The following CDK14 variants were observed in gnomAD, a reference collection of about 807,000 sequenced individuals.
CDK14 encodes the protein cyclin dependent kinase 14.
CDK14 carries 34 observed loss-of-function variants against 60.7 expected under a neutral mutation model. The observed-to-expected ratio is 0.56, with a 90% CI of 0.43 to 0.75. The LOEUF is 0.75. Ranked by LOEUF, CDK14 falls within the 30% of genes least tolerant of loss-of-function variation. The pLI is 0.00. For synonymous variants in CDK14, 197 were observed against 203.7 expected, an observed-to-expected ratio of 0.97 and a Z score of 0.28; for missense variants, 482 against 564.1, an observed-to-expected ratio of 0.85 and a Z score of 1.47.
intron 4 of CDK14, among the ~76,000 whole-genome samples, chr7:90,785,141 G>T (rs1224596484): frequency 1.4e-5 from 2 of 138,216 alleles, no homozygotes; most frequent in East Asian, 4.1e-4. Context: ...CATAATGGAA[G>T]AGAGAAGCAG....
At chr7:91,013,656 G>GTTTTTTTTTTT (rs56934476) in intron 10 of CDK14, among the ~76,000 whole-genome samples, 152 of 123,354 alleles carry the variant, frequency 1.2e-3, no homozygotes, top group African/African-American at 2.0e-3. Flanking sequence ...CATTGCCTCT[G>GTTTTTTTTTTT]TTTTTTTTTT....
intron 8 of CDK14, among the ~76,000 whole-genome samples, chr7:90,927,173 T>C (rs903189109): frequency 5.3e-5 from 8 of 152,286 alleles, no homozygotes; most frequent in Middle Eastern, 6.8e-3. Flanking sequence ...AACTCATCTT[T>C]AGCCCCTTGC....
At position 91,008,134 on chromosome 7, in the gene CDK14, A is replaced by AAAC. The variant is rs1172192008; in HGVS notation, c.1041+23895_1041+23896insCAA. Among the ~76,000 whole-genome samples the AAAC allele has an allele frequency of 9.0e-5, 13 of 143,676 alleles. 1 individual carries two copies. Among genetic ancestry groups the AAAC allele is most frequent in the Non-Finnish European group, 1.5e-4 (10 of 65,930 alleles). 94.3% of individuals were successfully genotyped at this position (143,676 alleles called of 152,430 possible). ...CCAGTGCCGGGAGAAGGCCAAAAAA[A>AAAC]AAAAAAAAAAACAAACAAAAAAAAA... is the stretch of plus-strand genomic sequence containing the variant. On this transcript the variant is annotated intron_variant, in intron 10 of 14. Coordinates refer to ENST00000380050, the MANE Select transcript of CDK14 (RefSeq NM_001287135.2).
intron 3 of CDK14, among the ~76,000 whole-genome samples, chr7:90,735,942 G>A (rs1262423157): frequency 6.6e-6 from 1 of 152,216 alleles, no homozygotes; most frequent in Non-Finnish European, 1.5e-5. Context: ...TTGAAACCCA[G>A]GCCCTGGTGG....
At position 91,161,424 on chromosome 7, in the gene CDK14, T is replaced by A. The variant is rs561333328; in HGVS notation, c.*28+43216T>A. Among the ~76,000 whole-genome samples, 21 of 152,294 alleles carry A rather than the reference T, an allele frequency of 1.4e-4. No individual in the cohort carries two copies. The South Asian group carries it at 1.9e-3, about 14-fold the overall frequency. On this transcript the variant is annotated intron_variant, in intron 14 of 14. Coordinates refer to ENST00000380050, the MANE Select transcript of CDK14 (RefSeq NM_001287135.2). ...TATATCCTGAGAAAAATCTGAGTGG[T>A]GAGGTTACTAAAATGCAAGGTTTAT...
chr7:90,845,680 C>T (rs890089713), intron 5 of CDK14, among the ~76,000 whole-genome samples: 1 of 151,976 alleles, frequency 6.6e-6, no homozygotes, highest in South Asian at 2.1e-4. Flanking sequence ...TTGTATTATT[C>T]GTATCACAGG....
intron 14 of CDK14, among the ~76,000 whole-genome samples, chr7:91,188,476 T>C (rs1802257182): frequency 6.6e-6 from 1 of 152,180 alleles, no homozygotes; most frequent in Non-Finnish European, 1.5e-5. Flanking sequence ...TGTCAACTTT[T>C]TCCCCTGGAT....
At chr7:90,733,936 G>A (rs974045285) in intron 3 of CDK14, among the ~76,000 whole-genome samples, 3 of 152,176 alleles carry the variant, frequency 2.0e-5, no homozygotes, top group Non-Finnish European at 4.4e-5. Flanking sequence ...TGTTTTTACT[G>A]TGGCTGGTAC....
At chr7:91,021,500 C>G (rs76424621) in intron 10 of CDK14, among the ~76,000 whole-genome samples, 9,712 of 152,208 alleles carry the variant, frequency 0.064, 413 homozygotes, top group South Asian at 0.094. Context: ...AGATCCCTTC[C>G]AGCTCCAACA....
intron 14 of CDK14, among the ~76,000 whole-genome samples, chr7:91,125,231 G>A (rs896267251): frequency 6.6e-6 from 1 of 152,194 alleles, no homozygotes; most frequent in African/African-American, 2.4e-5. Context: ...GAAATGGGGA[G>A]TGGGATCAGG....
At chr7:90,975,875 C>CT (rs1413474908) in intron 9 of CDK14, among the ~76,000 whole-genome samples, 1 of 152,066 alleles carries the variant, frequency 6.6e-6, no homozygotes, top group Non-Finnish European at 1.5e-5. Context: ...AGATTTCATT[C>CT]TTTTTTTATG....
At chr7:91,171,401 C>A (rs114470491) in intron 14 of CDK14, among the ~76,000 whole-genome samples, 2 of 152,076 alleles carry the variant, frequency 1.3e-5, no homozygotes, top group Non-Finnish European at 2.9e-5. Flanking sequence ...AAGCAGACTT[C>A]ATCTCCATAT....
At chr7:90,899,132 G>C (rs1792423775) in intron 6 of CDK14, among the ~76,000 whole-genome samples, 159 bp from the exon 7 acceptor site, 1 of 151,862 alleles carries the variant, frequency 6.6e-6, no homozygotes, top group African/African-American at 2.4e-5. Flanking sequence ...TTTAAAATTA[G>C]GGGGTGGGGA....
In CDK14 at chr7:90,598,704, A is replaced by ATTTTTTTTTTTTTTTTTTTTTTTTT. The variant is rs796093975; in HGVS notation, c.91+2004_91+2005insTTTTTTTTTTTTTTTTTTTTTTTTT. On this transcript the variant is annotated intron_variant, in intron 1 of 14. Transcript: ENST00000380050. ...GTGAACTCATTCTGATTATCTAAGG[A>ATTTTTTTTTTTTTTTTTTTTTTTTT]TTTTTTTTTTTTTTTTTTGAGACGG... Among the ~76,000 whole-genome samples the ATTTTTTTTTTTTTTTTTTTTTTTTT allele has an allele frequency of 2.3e-5, 2 of 87,890 alleles. 1 individual carries two copies. Among genetic ancestry groups the ATTTTTTTTTTTTTTTTTTTTTTTTT allele is most frequent in the African/African-American group, 8.1e-5 (2 of 24,814 alleles). 57.7% of individuals were successfully genotyped at this position (87,890 alleles called of 152,430 possible).
intron 8 of CDK14, among the ~76,000 whole-genome samples, chr7:90,926,753 A>G (rs1793428340): frequency 1.3e-5 from 2 of 152,170 alleles, no homozygotes. Flanking sequence ...GCAGTAGCAC[A>G]GACCCCTTAG....
At chr7:91,163,970 C>G (rs1801255882) in intron 14 of CDK14, among the ~76,000 whole-genome samples, 1 of 152,154 alleles carries the variant, frequency 6.6e-6, no homozygotes, top group East Asian at 1.9e-4. Context: ...ATAACACCTA[C>G]TAGTTGTGTG....
chr7:91,181,848 T>C (rs989239680), intron 14 of CDK14, among the ~76,000 whole-genome samples: 3 of 152,174 alleles, frequency 2.0e-5, no homozygotes, highest in African/African-American at 4.8e-5. Flanking sequence ...ACTCATCTAA[T>C]GTTTTTCCTG....
intron 6 of CDK14, among the ~76,000 whole-genome samples, chr7:90,885,595 A>G (rs770319078): frequency 1.1e-4 from 16 of 152,218 alleles, no homozygotes; most frequent in Non-Finnish European, 2.2e-4. Context: ...AAATCATTCT[A>G]CTATGAAGAC....
intron 6 of CDK14, among the ~76,000 whole-genome samples, chr7:90,883,382 A>G (rs756289747): frequency 6.6e-6 from 1 of 152,158 alleles, no homozygotes; most frequent in Non-Finnish European, 1.5e-5. Flanking sequence ...CATATACCCT[A>G]CTAAGACTAA....
Sources: gnomAD v4.1 joint callset for allele counts (sites outside exome capture counted in the v4.1 genomes callset) on GRCh38, gnomAD v4.1.1 for gene constraint, MANE v1.5 for transcripts, NCBI Gene and HGNC (gene_info 2026-07-23, HGNC 2026-07-21) for gene names.